The following SNTG1 variants were observed in gnomAD, a reference collection of about 807,000 sequenced individuals.
SNTG1 encodes the protein gamma-1-syntrophin.
In SNTG1, 39 loss-of-function variants were observed where a neutral mutation model predicts 74.7. The ratio of observed to expected loss-of-function variants is 0.52; its 90% CI spans 0.40 to 0.68. The LOEUF (loss-of-function observed/expected upper bound fraction) is 0.68, where lower values mean the gene tolerates loss of function less well. SNTG1 is among the 30% of genes least tolerant of loss of function. SNTG1 has a pLI of 0.00. For synonymous variants in SNTG1, 254 were observed against 217.1 expected (o/e 1.17, Z -1.49); for missense variants, 685 against 609.5 (o/e 1.12, Z -1.30).
chr8:50,307,524 C>G (rs1372931358), intron 2 of SNTG1, among the ~76,000 whole-genome samples: 1 of 151,680 alleles, frequency 6.6e-6, no homozygotes, highest in African/African-American at 2.4e-5. Flanking sequence ...TTCCTCTTAG[C>G]CTTTATGTCT....
chr8:50,616,264 C>T (rs1288919375), intron 13 of SNTG1, among the ~76,000 whole-genome samples: 1 of 152,106 alleles, frequency 6.6e-6, no homozygotes, highest in Admixed American at 6.6e-5. Flanking sequence ...AAACATAAAA[C>T]CTTAGATAAA....
chr8:50,051,481 G>T (rs1057176872), intron 1 of SNTG1, among the ~76,000 whole-genome samples: 5 of 151,956 alleles, frequency 3.3e-5, no homozygotes, highest in Non-Finnish European at 7.4e-5. Context: ...GTTTCCTAGG[G>T]CTGCCATATT....
intron 2 of SNTG1, among the ~76,000 whole-genome samples, chr8:50,346,782 A>G (rs1049352055): frequency 6.6e-6 from 1 of 152,248 alleles, no homozygotes; most frequent in Admixed American, 6.5e-5. Context: ...TAGAAGATCA[A>G]AACAGCTACA....
intron 2 of SNTG1, among the ~76,000 whole-genome samples, chr8:50,214,911 G>A (rs530265929): frequency 1.1e-4 from 17 of 152,258 alleles, no homozygotes; most frequent in South Asian, 8.3e-4. Flanking sequence ...AAACTGTCTC[G>A]CAACTCAGCT....
intron 11 of SNTG1, among the ~76,000 whole-genome samples, chr8:50,545,234 C>T (rs987116083): frequency 2.6e-5 from 4 of 151,480 alleles, no homozygotes; most frequent in African/African-American, 7.3e-5. Context: ...TAAATTAAAA[C>T]ATCATGATAT....
chr8:50,762,271 G>A (rs559178661), intron 18 of SNTG1, among the ~76,000 whole-genome samples: 21 of 152,024 alleles, frequency 1.4e-4, no homozygotes, highest in South Asian at 4.1e-4. Context: ...GGTGAATAGC[G>A]ATAGCATTTA....
rs568604215 is a variant in SNTG1 at position 50,795,234 on chromosome 8, G to C, written c.*2405G>C. ...ATACTATTGATAAAAAACATAAGCC[G>C]TGATTTTTATTTAACATGATTAGTA... On this transcript the variant is annotated 3_prime_UTR_variant, in exon 19 of 19. Transcript: ENST00000642720. 1.3e-5 allele frequency: 2 copies of C among 151,844 alleles called. No individual in the cohort carries two copies. 9.4% of individuals were successfully genotyped at this position (151,844 alleles called of 1,614,324 possible).
intron 17 of SNTG1, 151 bp downstream of exon 17, chr8:50,709,129 C>T (rs1388236886): frequency 2.0e-5 from 12 of 606,670 alleles, no homozygotes; most frequent in South Asian, 4.6e-5. Context: ...AATTATGCTT[C>T]GATCTGAAAA....
chr8:50,010,714 A>T (rs1017546237), intron 1 of SNTG1, among the ~76,000 whole-genome samples: 1 of 151,090 alleles, frequency 6.6e-6, no homozygotes, highest in Non-Finnish European at 1.5e-5. Flanking sequence ...TACTCAGAAT[A>T]TTTAAGAGGA....
At chr8:50,021,518 T>C (rs1366751143) in intron 1 of SNTG1, among the ~76,000 whole-genome samples, 1 of 152,208 alleles carries the variant, frequency 6.6e-6, no homozygotes, top group Non-Finnish European at 1.5e-5. Flanking sequence ...AAATTTTCTG[T>C]ATGTATTAAC....
At chr8:49,945,424 A>G (rs2129382297) in intron 1 of SNTG1, among the ~76,000 whole-genome samples, 1 of 152,298 alleles carries the variant, frequency 6.6e-6, no homozygotes, top group East Asian at 1.9e-4. Context: ...AGCTCCAAAT[A>G]ATTAGAAAGC....
At chr8:50,439,332 A>G (rs1184252123) in intron 5 of SNTG1, among the ~76,000 whole-genome samples, 2 of 152,104 alleles carry the variant, frequency 1.3e-5, no homozygotes, top group Non-Finnish European at 2.9e-5. Context: ...CTTTATAATT[A>G]TTGGGTTAGT....
At chr8:50,271,351 A>G (rs1223925803) in intron 2 of SNTG1, among the ~76,000 whole-genome samples, 1 of 152,182 alleles carries the variant, frequency 6.6e-6, no homozygotes, top group East Asian at 1.9e-4. Context: ...TCTAAGACTC[A>G]GAAAGGTTTT....
chr8:50,273,493 TATG>T (rs1187446215), intron 2 of SNTG1, among the ~76,000 whole-genome samples: 12 of 152,106 alleles, frequency 7.9e-5, no homozygotes, highest in Non-Finnish European at 1.8e-4. Flanking sequence ...AAATAAAACA[TATG>T]ATAACTGCAA....
Position 50,708,927 on chromosome 8 carries a change from A to C in SNTG1, c.1233A>C (p.Gly411=). Residue 411 remains glycine, a synonymous_variant, in exon 17 of 19, where the codon GGA becomes GGC. Transcript: ENST00000642720. ...GTGTGCTAGAAAGTCATCTAATGGG[A>C]CTCACAATTGATTTCAGCACAGGAT... ...YACVLESHLM[G]LTIDFSTGFI... 2 of 1,613,898 alleles carry C rather than the reference A, an allele frequency of 1.2e-6. No homozygotes were observed. The highest frequency in any genetic ancestry group is 4.5e-5 in the East Asian group (2 of 44,834).
intron 18 of SNTG1, among the ~76,000 whole-genome samples, chr8:50,788,350 C>T (rs542202284): frequency 1.3e-5 from 2 of 152,076 alleles, no homozygotes; most frequent in South Asian, 2.1e-4. Flanking sequence ...TTTTTGTCCT[C>T]ACATTCTAAG....
intron 2 of SNTG1, among the ~76,000 whole-genome samples, chr8:50,238,602 A>G (rs1432369696): frequency 1.3e-5 from 2 of 152,180 alleles, no homozygotes; most frequent in Admixed American, 6.5e-5. Context: ...CATGACAAAG[A>G]CTCAAAAAGC....
intron 2 of SNTG1, among the ~76,000 whole-genome samples, chr8:50,337,015 C>T (rs919348429): frequency 1.3e-5 from 2 of 152,142 alleles, no homozygotes; most frequent in African/African-American, 4.8e-5. Context: ...CTCTTTTTAT[C>T]TTCAAAAGTT....
In SNTG1 at chr8:50,522,947, C is replaced by T. The variant is rs181887733; in HGVS notation, c.467-7230C>T. On this transcript the variant is annotated intron_variant, in intron 9 of 18. Coordinates refer to ENST00000642720, the MANE Select transcript of SNTG1 (RefSeq NM_018967.5). ...ATATGAGGCTATTTAATGGATACATCAAAAATCTGTTTTTTAATGAAGCCG... is the reference window on the plus strand; with the variant it reads ...ATATGAGGCTATTTAATGGATACATTAAAAATCTGTTTTTTAATGAAGCCG... 1.2e-4 allele frequency among the ~76,000 whole-genome samples: 18 copies of T among 152,216 alleles called. No individual in the cohort carries two copies. In the East Asian group the frequency reaches 3.3e-3, roughly 28 times the overall value.
Sources: allele counts gnomAD v4.1 joint callset (sites outside exome capture counted in the v4.1 genomes callset), GRCh38; gene constraint gnomAD v4.1.1; transcripts MANE v1.5; gene names NCBI Gene and HGNC (gene_info 2026-07-23, HGNC 2026-07-21).